The following RAP1GDS1 variants were observed in gnomAD, a reference collection of about 807,000 sequenced individuals.
The protein encoded by RAP1GDS1 is RAP1, GTP-GDP dissociation stimulator 1.
In RAP1GDS1, 35 loss-of-function variants were observed where a neutral mutation model predicts 71.1. That is an observed-to-expected ratio of 0.49 (90% CI 0.38 to 0.65). RAP1GDS1 has a LOEUF of 0.65. Among genes scored for constraint, RAP1GDS1 ranks in the 30% least tolerant of loss-of-function variants. The pLI is 0.00. For synonymous variants in RAP1GDS1, 229 were observed against 243.1 expected, an observed-to-expected ratio of 0.94 and a Z score of 0.54; for missense variants, 663 against 706.1, an observed-to-expected ratio of 0.94 and a Z score of 0.69.
At chr4:98,441,507 G>A in intron 14 of RAP1GDS1, 1 of 984,274 alleles carries the variant, frequency 1.0e-6, no homozygotes, top group Non-Finnish European at 1.2e-6. Flanking sequence ...AGGGTTGTAT[G>A]TAACCAAACC....
At chr4:98,395,344 T>C (rs1456171580) in intron 6 of RAP1GDS1, among the ~76,000 whole-genome samples, 1 of 152,214 alleles carries the variant, frequency 6.6e-6, no homozygotes, top group African/African-American at 2.4e-5. Flanking sequence ...AAATTCTCAG[T>C]GATTATGTTT....
chr4:98,391,400 T>A (rs1743639969), intron 5 of RAP1GDS1, among the ~76,000 whole-genome samples: 1 of 152,088 alleles, frequency 6.6e-6, no homozygotes, highest in South Asian at 2.1e-4. Flanking sequence ...CTGGTACATC[T>A]CTTCCTAGCA....
intron 4 of RAP1GDS1, among the ~76,000 whole-genome samples, chr4:98,367,438 A>G (rs1247977171): frequency 1.3e-5 from 2 of 152,192 alleles, no homozygotes; most frequent in Non-Finnish European, 1.5e-5. Flanking sequence ...GGACCCCCGC[A>G]CAGAGTCCCT....
At chr4:98,381,165 A>G (rs1578663965) in intron 5 of RAP1GDS1, among the ~76,000 whole-genome samples, 1 of 151,688 alleles carries the variant, frequency 6.6e-6, no homozygotes, top group Non-Finnish European at 1.5e-5. Flanking sequence ...AGAAAGCTAT[A>G]TTAACTTTTC....
intron 2 of RAP1GDS1, among the ~76,000 whole-genome samples, chr4:98,326,905 A>G (rs902055269): frequency 2.6e-5 from 4 of 152,170 alleles, no homozygotes; most frequent in Non-Finnish European, 4.4e-5. Context: ...TAGAATTAGT[A>G]TAGTCGTTTT....
intron 2 of RAP1GDS1, among the ~76,000 whole-genome samples, chr4:98,294,908 C>T (rs1297564205): frequency 6.6e-6 from 1 of 151,836 alleles, no homozygotes; most frequent in Non-Finnish European, 1.5e-5. Flanking sequence ...TTTTTTTGAA[C>T]AGTTGTTTTA....
chr4:98,302,055 G>T (rs1728652396), intron 2 of RAP1GDS1, among the ~76,000 whole-genome samples: 1 of 152,000 alleles, frequency 6.6e-6, no homozygotes, highest in Non-Finnish European at 1.5e-5. Flanking sequence ...ATTATACACT[G>T]AATAGGAAAT....
At chr4:98,431,300 A>G (rs1578865533) in intron 12 of RAP1GDS1, among the ~76,000 whole-genome samples, 1 of 152,342 alleles carries the variant, frequency 6.6e-6, no homozygotes, top group South Asian at 2.1e-4. Flanking sequence ...CAATGGCTAT[A>G]CCAACCGGCA....
chr4:98,309,552 T>G lies in RAP1GDS1; in HGVS notation c.112+16037T>G, dbSNP rs573854187. The stretch of plus-strand genomic sequence containing the variant: ...ACAAAATAGAGAGTAAAAGATTAGC[T>G]CTTGGCTCTAAGTAGTCAAGGTAAG... On this transcript the variant is annotated intron_variant, in intron 2 of 14. Transcript: ENST00000408927. Among the ~76,000 whole-genome samples the G allele has an allele frequency of 3.3e-5, 5 of 152,082 alleles. 1 individual carries two copies. In the South Asian group the frequency reaches 8.3e-4, roughly 25 times the overall value.
intron 2 of RAP1GDS1, among the ~76,000 whole-genome samples, chr4:98,341,086 A>G (rs1478473989): frequency 6.6e-6 from 1 of 152,122 alleles, no homozygotes; most frequent in African/African-American, 2.4e-5. Context: ...TGTTTGAGTG[A>G]TAAAGTACAA....
rs72896379 is a variant in RAP1GDS1, at chr4:98,429,955, A to G, written c.1441-3981A>G. On this transcript the variant is annotated intron_variant, in intron 12 of 14. Coordinates refer to ENST00000408927, the MANE Select transcript of RAP1GDS1 (RefSeq NM_001100427.2). ...TGGACACAAAAATATGTCCACAGGA[A>G]GATACATCCCAGCTTCTTAGAAACA... Among the ~76,000 whole-genome samples, 755 of 152,232 alleles carry G rather than the reference A, an allele frequency of 5.0e-3. 7 individuals carry two copies. The highest frequency in any genetic ancestry group is 0.018 in the African/African-American group (733 of 41,546).
intron 1 of RAP1GDS1, among the ~76,000 whole-genome samples, chr4:98,283,067 GTT>G (rs1194191906): frequency 6.6e-6 from 1 of 152,014 alleles, no homozygotes; most frequent in African/African-American, 2.4e-5. Context: ...TACCATCAAA[GTT>G]TTTTTGACAA....
At chr4:98,334,025 A>AT (rs1182591091) in intron 2 of RAP1GDS1, among the ~76,000 whole-genome samples, 1 of 152,138 alleles carries the variant, frequency 6.6e-6, no homozygotes, top group South Asian at 2.1e-4. Context: ...TTTTGAATAC[A>AT]TTTTTATTAA....
chr4:98,276,721 T>C (rs1000524536), intron 1 of RAP1GDS1, among the ~76,000 whole-genome samples: 1 of 152,170 alleles, frequency 6.6e-6, no homozygotes, highest in Non-Finnish European at 1.5e-5. Flanking sequence ...GCTGGGACTA[T>C]GGCAACTAGA....
intron 1 of RAP1GDS1, among the ~76,000 whole-genome samples, chr4:98,262,733 C>T (rs527903429): frequency 2.6e-5 from 4 of 152,302 alleles, no homozygotes; most frequent in East Asian, 1.9e-4. Flanking sequence ...TCTGTTAATA[C>T]AGTGCTCAAC....
At chr4:98,344,137 G>A (rs6833504) in intron 3 of RAP1GDS1, among the ~76,000 whole-genome samples, 26,057 of 152,076 alleles carry the variant, frequency 0.17, 3,621 homozygotes, top group African/African-American at 0.39. Context: ...ATTGTTTGAA[G>A]CTGTGTCATT....
At chr4:98,339,027 A>G (rs544821043) in intron 2 of RAP1GDS1, among the ~76,000 whole-genome samples, 1 of 152,284 alleles carries the variant, frequency 6.6e-6, no homozygotes, top group African/African-American at 2.4e-5. Context: ...CTCCTTTGTA[A>G]TACTTTGTAT....
rs563937620 is a variant in RAP1GDS1, at chr4:98,367,025, A to T, written c.362-11992A>T. ...TGTTAATCCCCAAGACAGTGGGGAA[A>T]ACGTCTCCAGAGCATGTCAGAGGTC... On this transcript the variant is annotated intron_variant, in intron 4 of 14. Coordinates refer to ENST00000408927, the MANE Select transcript of RAP1GDS1 (RefSeq NM_001100427.2). Among the ~76,000 whole-genome samples, 3 of 152,294 alleles carry T rather than the reference A, an allele frequency of 2.0e-5. No homozygotes were observed. The East Asian group carries it at 5.8e-4, about 29-fold the overall frequency.
chr4:98,384,474 T>C (rs1742449349), intron 5 of RAP1GDS1, among the ~76,000 whole-genome samples: 1 of 151,862 alleles, frequency 6.6e-6, no homozygotes, highest in African/African-American at 2.4e-5. Context: ...ACAAGTGTTA[T>C]TTTAAACAAA....
Sources: allele counts gnomAD v4.1 joint callset (sites outside exome capture counted in the v4.1 genomes callset), GRCh38; gene constraint gnomAD v4.1.1; transcripts MANE v1.5; gene names NCBI Gene and HGNC (gene_info 2026-07-23, HGNC 2026-07-21).